LIMA1: variants seen among roughly 807,000 people sequenced by gnomAD.
LIMA1 encodes the protein LIM domain and actin-binding protein 1.
Under a neutral mutation model 62.6 loss-of-function variants are expected in LIMA1, and 52 were observed. The observed-to-expected ratio is 0.83, with a 90% confidence interval of 0.67 to 1.05. The LOEUF is 1.05. LIMA1 is among the 50% of genes least tolerant of loss of function. The pLI is 0.00. For synonymous variants in LIMA1, 302 were observed against 317.8 expected, an observed-to-expected ratio of 0.95 and a Z score of 0.53; for missense variants, 780 against 902.2, an observed-to-expected ratio of 0.86 and a Z score of 1.74.
intron 2 of LIMA1, among the ~76,000 whole-genome samples, chr12:50,240,859 G>A (rs1017650161): frequency 1.8e-4 from 28 of 152,080 alleles, no homozygotes; most frequent in African/African-American, 6.8e-4. Context: ...CTCAGTCCTG[G>A]AGACTCGAAC....
At chr12:50,221,167 AG>A (rs1316481360) in intron 4 of LIMA1, among the ~76,000 whole-genome samples, 2 of 152,140 alleles carry the variant, frequency 1.3e-5, no homozygotes, top group Non-Finnish European at 2.9e-5. Context: ...TTTCCCATCT[AG>A]GTGGAATCTA....
chr12:50,258,559 A>T (rs1942026884), intron 1 of LIMA1, among the ~76,000 whole-genome samples: 2 of 151,336 alleles, frequency 1.3e-5, no homozygotes, highest in African/African-American at 4.9e-5. Context: ...AGCCTCCCAA[A>T]GTGCTGGGAT....
Position 50,177,608 on chromosome 12 carries a change from C to G in LIMA1, c.1736G>C (p.Arg579Thr). 1 of 1,611,242 alleles carries G rather than the reference C, an allele frequency of 6.2e-7. No homozygotes were observed. Among genetic ancestry groups the G allele is most frequent in the South Asian group, 1.1e-5 (1 of 90,552 alleles). Residue 579 changes from arginine (R) to threonine (T), a missense_variant, in exon 11 of 11, where the codon AGA (arginine) becomes ACA (threonine). By Grantham distance (71) the Arg-to-Thr change is moderately conservative. Transcript: ENST00000341247. ...EDVDLDLKKL[R>T]RSSSLKERSR... ...TCTTTCCTTCAGTGAAGAAGATCGT[C>G]TTAGCTTCTTCAGATCTAGATCGAC...
In LIMA1 at chr12:50,181,894, G is replaced by T. The variant is rs754999831; in HGVS notation, c.1274+10C>A. 1 of 1,614,024 alleles carries T rather than the reference G, an allele frequency of 6.2e-7. No individual in the cohort carries two copies. The highest frequency in any genetic ancestry group is 8.5e-7 in the Non-Finnish European group (1 of 1,179,986). ...GTTATAGACAGATGGCTTGTTTTGGGCTGACTTACCTGAGTTTGTTGTTGC... is the reference window on the plus strand; with the variant it reads ...GTTATAGACAGATGGCTTGTTTTGGTCTGACTTACCTGAGTTTGTTGTTGC... On this transcript the variant is annotated intron_variant, in intron 10 of 10. Transcript: ENST00000341247.
intron 2 of LIMA1, among the ~76,000 whole-genome samples, chr12:50,245,338 G>C (rs1941832630): frequency 6.6e-6 from 1 of 151,698 alleles, no homozygotes; most frequent in South Asian, 2.1e-4. Flanking sequence ...GCTTGAGCCT[G>C]GGAGGTCGAG....
At chr12:50,224,987 C>T (rs942418708) in intron 3 of LIMA1, among the ~76,000 whole-genome samples, 5 of 150,144 alleles carry the variant, frequency 3.3e-5, no homozygotes, top group Non-Finnish European at 7.4e-5. Flanking sequence ...ACTGCAACCT[C>T]GGCCTCCTGG....
In LIMA1 at chr12:50,214,716, G is replaced by C. The variant is rs529545651; in HGVS notation, c.630+7305C>G. ...AGCCACTCAGGAGGCTGAGGGAGGA[G>C]AATCACTTGAACCCGGGAGGTGGAG... On this transcript the variant is annotated intron_variant, in intron 4 of 10. Coordinates refer to ENST00000341247, the MANE Select transcript of LIMA1 (RefSeq NM_016357.5). Among the ~76,000 whole-genome samples the C allele has an allele frequency of 9.8e-5, 15 of 152,366 alleles. No individual in the cohort carries two copies. In the South Asian group the frequency reaches 2.3e-3, roughly 23 times the overall value.
chr12:50,237,689 T>C (rs1270650591), intron 2 of LIMA1, among the ~76,000 whole-genome samples: 1 of 151,938 alleles, frequency 6.6e-6, no homozygotes, highest in Non-Finnish European at 1.5e-5. Context: ...TTATATACTG[T>C]GTATTTTACC....
At chr12:50,225,807 G>C (rs1484080313) in intron 3 of LIMA1, among the ~76,000 whole-genome samples, 1 of 152,164 alleles carries the variant, frequency 6.6e-6, no homozygotes, top group Non-Finnish European at 1.5e-5. Flanking sequence ...GCCTCCCAAA[G>C]TGCTGGGATT....
chr12:50,205,650 A>G (rs1941137521), intron 5 of LIMA1, among the ~76,000 whole-genome samples: 1 of 152,062 alleles, frequency 6.6e-6, no homozygotes, highest in Non-Finnish European at 1.5e-5. Flanking sequence ...TGATCGTAGC[A>G]CTTTACTTAT....
At chr12:50,235,513 C>T (rs1458184728) in intron 2 of LIMA1, among the ~76,000 whole-genome samples, 3 of 152,076 alleles carry the variant, frequency 2.0e-5, no homozygotes, top group Non-Finnish European at 2.9e-5. Context: ...GATCCACCAG[C>T]CTTGGCCTCC....
rs533397909 is a variant in LIMA1 at position 50,221,938 on chromosome 12, A to T, written c.630+83T>A. 4.2e-6 allele frequency: 5 copies of T among 1,186,860 alleles called. No individual in the cohort carries two copies. The Admixed American group carries it at 8.8e-5, about 21-fold the overall frequency. 73.5% of individuals were successfully genotyped at this position (1,186,860 alleles called of 1,614,324 possible). ...ACATACTGACCACATATTCGCCTCT[A>T]CTCAAAATAGCTAGATTGGAAAAAC... On this transcript the variant is annotated intron_variant, in intron 4 of 10. Coordinates refer to ENST00000341247, the MANE Select transcript of LIMA1 (RefSeq NM_016357.5).
intron 1 of LIMA1, among the ~76,000 whole-genome samples, chr12:50,261,042 A>ATT (rs71083524): frequency 0.01 from 563 of 54,234 alleles, 113 homozygotes; most frequent in East Asian, 0.046. Context: ...CATCTAGTAT[A>ATT]TTTTTTTTTT....
At chr12:50,206,589 CT>C in intron 4 of LIMA1, among the ~76,000 whole-genome samples, 1 of 152,288 alleles carries the variant, frequency 6.6e-6, no homozygotes, top group East Asian at 1.9e-4. Flanking sequence ...TTTTACCCTC[CT>C]TTTCAAAATT....
At chr12:50,208,532 C>A (rs1941195783) in intron 4 of LIMA1, among the ~76,000 whole-genome samples, 1 of 152,000 alleles carries the variant, frequency 6.6e-6, no homozygotes, top group African/African-American at 2.4e-5. Context: ...CGCCTGTAGT[C>A]CCAGGTACTC....
rs1940515982 is a variant in LIMA1 at position 50,182,039 on chromosome 12, T to C, written c.1141-2A>G. ...CTCTCTTGCAGGTGCCTGAAACTTC[T>C]AGGAAAAACAAAAAGACAACTTTAG... On this transcript the variant is annotated splice_acceptor_variant, in intron 9 of 10. Transcript: ENST00000341247. LOFTEE classifies it high-confidence loss of function. The C allele has an allele frequency of 6.2e-7, 1 of 1,612,412 alleles. No individual in the cohort carries two copies. The highest frequency in any genetic ancestry group is 1.1e-5 in the South Asian group (1 of 91,004).
chr12:50,224,836 A>T, intron 3 of LIMA1, among the ~76,000 whole-genome samples: 1 of 150,508 alleles, frequency 6.6e-6, no homozygotes. Context: ...GGCTCAAGTG[A>T]TCCTCCCACC....
At chr12:50,198,523 C>T (rs757794848) in intron 7 of LIMA1, among the ~76,000 whole-genome samples, 6 of 152,142 alleles carry the variant, frequency 3.9e-5, no homozygotes, top group Middle Eastern at 3.2e-3. Flanking sequence ...TACTACACTC[C>T]AGCCTGGGTG....
At chr12:50,218,719 A>T (rs1433849179) in intron 4 of LIMA1, among the ~76,000 whole-genome samples, 2 of 152,078 alleles carry the variant, frequency 1.3e-5, no homozygotes, top group African/African-American at 4.8e-5. Context: ...CAGTCTGGGC[A>T]ACATAGCGAA....
Sources: gnomAD v4.1 joint callset for allele counts (sites outside exome capture counted in the v4.1 genomes callset) on GRCh38, gnomAD v4.1.1 for gene constraint, MANE v1.5 for transcripts, NCBI Gene and HGNC (gene_info 2026-07-23, HGNC 2026-07-21) for gene names.